PPP2R2A: variants seen among roughly 807,000 people sequenced by gnomAD.
PPP2R2A encodes protein phosphatase 2 regulatory subunit Balpha.
In PPP2R2A, 9 loss-of-function variants were observed where a neutral mutation model predicts 53.2. The ratio of observed to expected loss-of-function variants is 0.17; its 90% CI spans 0.10 to 0.30. PPP2R2A has a LOEUF of 0.30. Among genes scored for constraint, PPP2R2A ranks in the 10% least tolerant of loss-of-function variants. The pLI is 1.00. For synonymous variants in PPP2R2A, 169 were observed against 174.2 expected, an observed-to-expected ratio of 0.97 and a Z score of 0.23; for missense variants, 235 against 534.6, an observed-to-expected ratio of 0.44 and a Z score of 5.53.
intron 1 of PPP2R2A, chr8:26,293,060 G>GTT: frequency 2.0e-6 from 1 of 506,524 alleles, no homozygotes. Context: ...CAAGGGATGA[G>GTT]GTGAAGGGAG....
In PPP2R2A at chr8:26,363,711, T is replaced by C. The variant is rs1805231410; in HGVS notation, c.803-10T>C. On this transcript the variant is annotated splice_polypyrimidine_tract_variant and intron_variant, in intron 7 of 9. Coordinates refer to ENST00000380737, the MANE Select transcript of PPP2R2A (RefSeq NM_002717.4). ...CTTGCCCTTTTTGTGTTGTTTTGTT[T>C]TGTTTTTAGTGTTTGAAGAACCTGA... The C allele has an allele frequency of 6.4e-7, 1 of 1,561,764 alleles. No homozygotes were observed. The highest frequency in any genetic ancestry group is 1.8e-5 in the Admixed American group (1 of 56,192).
chr8:26,317,827 G>T (rs896352639), intron 2 of PPP2R2A, among the ~76,000 whole-genome samples: 5 of 152,172 alleles, frequency 3.3e-5, no homozygotes, highest in Non-Finnish European at 1.5e-5. Context: ...AGCTGGTTTT[G>T]CCAGAGATTA....
At position 26,360,217 on chromosome 8, in the gene PPP2R2A, A is replaced by G; in HGVS notation, c.395A>G (p.Glu132Gly). ...ATCAGTGAAAGGGACAAAAGACCAG[A>G]AGGGTATAACTTGAAAGAGGAGGAT... The part of the protein sequence containing the change: ...WKISERDKRP[E>G]GYNLKEEDGR... The change falls in exon 5 of 10, where the codon GAA becomes GGA. Residue 132 changes from glutamate to glycine, a missense_variant. Glu to Gly is a moderately conservative substitution (Grantham distance 98). This residue lies in a region of PPP2R2A where 181 missense variants were observed against 409.9 expected (regional missense o/e 0.44). Transcript: ENST00000380737. This position sits in a 1 kb window ranked among gnomAD's most constrained non-coding sequence, Gnocchi z 4.5. The G allele has an allele frequency of 6.2e-7, 1 of 1,611,150 alleles. No individual in the cohort carries two copies.
intron 9 of PPP2R2A, among the ~76,000 whole-genome samples, chr8:26,369,222 C>A (rs116311389): frequency 6.6e-6 from 1 of 152,012 alleles, no homozygotes; most frequent in African/African-American, 2.4e-5. Flanking sequence ...CCAGACAATA[C>A]CCTGAGAAGA....
At chr8:26,337,525 G>A (rs957686701) in intron 2 of PPP2R2A, among the ~76,000 whole-genome samples, 13 of 152,092 alleles carry the variant, frequency 8.5e-5, no homozygotes, top group Non-Finnish European at 1.2e-4. Flanking sequence ...TCCTTTATTC[G>A]CTGTAGAAGT....
intron 9 of PPP2R2A, among the ~76,000 whole-genome samples, chr8:26,369,605 A>G (rs565996037): frequency 1.0e-3 from 159 of 152,164 alleles, no homozygotes; most frequent in Non-Finnish European, 2.0e-3. Context: ...TGTTAGCCAG[A>G]ATGGTCTCGA....
intron 2 of PPP2R2A, among the ~76,000 whole-genome samples, chr8:26,324,568 C>A (rs1802993625): frequency 6.6e-6 from 1 of 152,216 alleles, no homozygotes; most frequent in African/African-American, 2.4e-5. Context: ...TCATGGAGAA[C>A]CTCTGCTAGG....
intron 2 of PPP2R2A, among the ~76,000 whole-genome samples, chr8:26,297,433 CT>C (rs1417327208): frequency 3.9e-5 from 6 of 152,136 alleles, no homozygotes; most frequent in Non-Finnish European, 8.8e-5. Context: ...ATTAATACTA[CT>C]GGTAAGCTAG....
At chr8:26,316,463 T>TA (rs1458766869) in intron 2 of PPP2R2A, among the ~76,000 whole-genome samples, 3 of 152,226 alleles carry the variant, frequency 2.0e-5, no homozygotes, top group Non-Finnish European at 4.4e-5. Context: ...TTAAAGAACT[T>TA]AATATATCAG....
intron 3 of PPP2R2A, among the ~76,000 whole-genome samples, chr8:26,352,599 G>C (rs1804575587): frequency 6.6e-6 from 1 of 152,152 alleles, no homozygotes; most frequent in Non-Finnish European, 1.5e-5. Flanking sequence ...TTCTCCTTTT[G>C]TGATACATTA....
intron 2 of PPP2R2A, among the ~76,000 whole-genome samples, chr8:26,326,587 G>T (rs116423003): frequency 3.4e-4 from 51 of 152,216 alleles, no homozygotes; most frequent in African/African-American, 1.2e-3. Flanking sequence ...AATTTGTAAA[G>T]ATTTTAGGGA....
intron 2 of PPP2R2A, among the ~76,000 whole-genome samples, chr8:26,337,098 C>T (rs1803703206): frequency 6.6e-6 from 1 of 152,094 alleles, no homozygotes. Context: ...CAACTCGGCC[C>T]ATTATTCCAC....
At chr8:26,364,430 C>A (rs1326646542) in intron 8 of PPP2R2A, among the ~76,000 whole-genome samples, 1 of 152,150 alleles carries the variant, frequency 6.6e-6, no homozygotes, top group East Asian at 1.9e-4. Context: ...GTTCTTGATT[C>A]TCTTATCAGC....
chr8:26,299,742 A>T (rs1801699199), intron 2 of PPP2R2A, among the ~76,000 whole-genome samples: 1 of 151,206 alleles, frequency 6.6e-6, no homozygotes, highest in Non-Finnish European at 1.5e-5. Context: ...TGTTAGAGAC[A>T]AGGTCTTGCT....
intron 2 of PPP2R2A, among the ~76,000 whole-genome samples, chr8:26,297,115 G>GGTGT (rs370450342): frequency 2.6e-5 from 4 of 151,236 alleles, no homozygotes; most frequent in South Asian, 2.1e-4. Context: ...AAATTCTTTT[G>GGTGT]GTGTGTGTGT....
At chr8:26,342,410 A>G (rs1483291366) in intron 3 of PPP2R2A, among the ~76,000 whole-genome samples, 1 of 152,242 alleles carries the variant, frequency 6.6e-6, no homozygotes, top group Non-Finnish European at 1.5e-5. Flanking sequence ...CCAAACAGCT[A>G]TTAAAGTGGA....
rs554475657 is a variant in PPP2R2A at position 26,307,957 on chromosome 8, G to A, written c.82+14217G>A. The stretch of plus-strand genomic sequence containing the variant: ...AAAATAAAATCAAATATAGGCATAC[G>A]TCAGAAATATTGCTGCTTTGGTTCC... On this transcript the variant is annotated intron_variant, in intron 2 of 9. Coordinates refer to ENST00000380737, the MANE Select transcript of PPP2R2A (RefSeq NM_002717.4). Among the ~76,000 whole-genome samples the A allele has an allele frequency of 5.0e-4, 76 of 152,298 alleles. 1 individual carries two copies. The highest frequency in any genetic ancestry group is 6.5e-4 in the African/African-American group (27 of 41,568).
At chr8:26,340,757 G>A (rs1803902731) in intron 3 of PPP2R2A, among the ~76,000 whole-genome samples, 3 of 151,780 alleles carry the variant, frequency 2.0e-5, no homozygotes, top group Non-Finnish European at 4.4e-5. Context: ...TTTTAATATG[G>A]GTTTAGTAAT....
chr8:26,308,998 C>A (rs556382889), intron 2 of PPP2R2A, among the ~76,000 whole-genome samples: 4 of 152,162 alleles, frequency 2.6e-5, no homozygotes, highest in African/African-American at 7.2e-5. Context: ...GTGGTTGGGG[C>A]TTCAGGTGTG....
Sources: gnomAD v4.1 joint callset for allele counts (sites outside exome capture counted in the v4.1 genomes callset) on GRCh38, gnomAD v4.1.1 for gene constraint, gnomAD v4.1.1 regional missense constraint, Gnocchi (gnomAD v3.1) non-coding constraint, MANE v1.5 for transcripts, NCBI Gene and HGNC (gene_info 2026-07-23, HGNC 2026-07-21) for gene names.